Variants in ZSCAN29 observed in about 807,000 individuals in gnomAD.
The protein encoded by ZSCAN29 is zinc finger and SCAN domain containing 29.
Under a neutral mutation model 71.9 loss-of-function variants are expected in ZSCAN29, and 55 were observed. The observed-to-expected ratio is 0.76, with a 90% CI of 0.62 to 0.96. The LOEUF (loss-of-function observed/expected upper bound fraction) is 0.96. Ranked by LOEUF, ZSCAN29 falls within the 40% of genes least tolerant of loss-of-function variation. ZSCAN29 has a pLI of 0.00. For missense variants in ZSCAN29, 1,042 were observed against 1,042.2 expected (o/e 1.00, Z 0.00); for synonymous variants, 351 against 371.6 (o/e 0.94, Z 0.64).
intron 4 of ZSCAN29, among the ~76,000 whole-genome samples, chr15:43,365,844 A>T (rs938209113): frequency 6.6e-6 from 1 of 152,186 alleles, no homozygotes; most frequent in African/African-American, 2.4e-5. Context: ...GGAAAAAAAT[A>T]GTTTAGTAAA....
rs1427785989 is a variant in ZSCAN29, at chr15:43,360,811, A to T, written c.*262T>A. 1 of 430,864 alleles carries T rather than the reference A, an allele frequency of 2.3e-6. No homozygotes were observed. The highest frequency in any genetic ancestry group is 1.9e-5 in the African/African-American group (1 of 51,392). The allele number at this position is 430,864 out of a possible 1,614,324, so 26.7% of individuals were successfully genotyped here. On this transcript the variant is annotated 3_prime_UTR_variant, in exon 6 of 6. Coordinates refer to ENST00000684362, the MANE Select transcript of ZSCAN29 (RefSeq NM_001372080.1). ...TCCTCTGTGCTTATATTAAGGGAAC[A>T]CCATAGGCACTGAGAGGGAAAAGAT... is the stretch of plus-strand genomic sequence containing the variant.
In ZSCAN29 at chr15:43,366,702, G is replaced by A. The variant is rs753510547; in HGVS notation, c.630C>T (p.His210=). 1.9e-6 allele frequency: 3 copies of A among 1,614,196 alleles called. No homozygotes were observed. Among genetic ancestry groups the A allele is most frequent in the Non-Finnish European group, 2.5e-6 (3 of 1,180,014 alleles). ...CAGCATGCACTCGTCTGTCTCCTAT[G>A]TGGCTGCCACTTGGAAGTTCTTTCT... ...SKEKELPSGS[H]IGDRRVHADL... is the part of the protein sequence containing the mutation. The change falls in exon 4 of 6, where the codon CAC becomes CAT. Residue 210 remains histidine (H), a synonymous_variant. Coordinates refer to ENST00000684362, the MANE Select transcript of ZSCAN29 (RefSeq NM_001372080.1).
At chr15:43,364,656 C>T (rs1231122665) in intron 4 of ZSCAN29, among the ~76,000 whole-genome samples, 1 of 151,880 alleles carries the variant, frequency 6.6e-6, no homozygotes, top group East Asian at 1.9e-4. Context: ...GCCTGTAATC[C>T]CTGTGGATCG....
Position 43,363,901 on chromosome 15 carries a change from T to C in ZSCAN29, c.1690+14A>G, listed in dbSNP as rs754901870. The C allele has an allele frequency of 6.4e-7, 1 of 1,564,888 alleles. No individual in the cohort carries two copies. Among genetic ancestry groups the C allele is most frequent in the South Asian group, 1.2e-5 (1 of 84,956 alleles). On this transcript the variant is annotated intron_variant, in intron 5 of 5. Transcript: ENST00000684362. ...CCCTTTGTTATTTATACCATAATAG[T>C]GAAATAATCTTACCACGGGGGCTTT... is the stretch of plus-strand genomic sequence containing the variant.
At position 43,358,186 on chromosome 15, in the gene ZSCAN29, G is replaced by A. The variant is rs1133395; in HGVS notation, c.*2887C>T. The stretch of plus-strand genomic sequence containing the variant: ...GAAACACCAGGCACTTTATAGACAT[G>A]ATTTTTATTAATATGGTATCCCTGA... On this transcript the variant is annotated 3_prime_UTR_variant, in exon 6 of 6. Coordinates refer to ENST00000684362, the MANE Select transcript of ZSCAN29 (RefSeq NM_001372080.1). The A allele has an allele frequency of 0.47, 71,017 of 152,382 alleles. 21,553 individuals carry two copies. Among genetic ancestry groups the A allele is most frequent in the African/African-American group, 0.87 (35,971 of 41,466 alleles). The allele number at this position is 152,382 out of a possible 1,614,324, so 9.4% of individuals were successfully genotyped here.
chr15:43,364,914 A>AAAAAT (rs2044020630), intron 4 of ZSCAN29, among the ~76,000 whole-genome samples: 1 of 151,360 alleles, frequency 6.6e-6, no homozygotes, highest in Non-Finnish European at 1.5e-5. Flanking sequence ...AAAAAAAAAA[A>AAAAAT]AGTGAAAGAA....
chr15:43,363,829 A>G, intron 5 of ZSCAN29, 86 bp downstream of exon 5: 2 of 1,304,246 alleles, frequency 1.5e-6, no homozygotes, highest in East Asian at 2.4e-5. Flanking sequence ...CTGGGTGTAG[A>G]GGCCAGTTCT....
At chr15:43,365,728 A>G (rs2044029411) in intron 4 of ZSCAN29, among the ~76,000 whole-genome samples, 1 of 149,938 alleles carries the variant, frequency 6.7e-6, no homozygotes, top group Non-Finnish European at 1.5e-5. Flanking sequence ...TAAAATATGT[A>G]AAACATCAAG....
chr15:43,364,947 G>A (rs532425799), intron 4 of ZSCAN29, among the ~76,000 whole-genome samples: 2 of 144,462 alleles, frequency 1.4e-5, no homozygotes, highest in Non-Finnish European at 3.0e-5. Context: ...AAATAACATT[G>A]AGCACATGTG....
chr15:43,360,742 A>ACATTCT lies in ZSCAN29; in HGVS notation c.*330_*331insAGAATG, dbSNP rs1434086302. ...CAAAATGCAGCTGAATGACAGAATG[A>ACATTCT]GTAAAGAAGGATGCTTATCAAATTC... On this transcript the variant is annotated 3_prime_UTR_variant, in exon 6 of 6. Coordinates refer to ENST00000684362, the MANE Select transcript of ZSCAN29 (RefSeq NM_001372080.1). 1 of 222,764 alleles carries ACATTCT rather than the reference A, an allele frequency of 4.5e-6. No homozygotes were observed. Among genetic ancestry groups the ACATTCT allele is most frequent in the Non-Finnish European group, 9.0e-6 (1 of 111,674 alleles). 13.8% of individuals were successfully genotyped at this position (222,764 alleles called of 1,614,324 possible). A position where few individuals can be genotyped will look rare whatever the true frequency, so the allele number is the denominator to read the frequency against.
Position 43,366,518 on chromosome 15 carries a change from A to G in ZSCAN29, c.814T>C (p.Cys272Arg). Residue 272 changes from cysteine (C) to arginine (R), a missense_variant, in exon 4 of 6, where the codon TGC (cysteine) becomes CGC (arginine). By Grantham distance (180) the Cys-to-Arg change is radical (BLOSUM62 -3). Coordinates refer to ENST00000684362, the MANE Select transcript of ZSCAN29 (RefSeq NM_001372080.1). The part of the protein sequence containing the change: ...QTEFYEALRN[C>R]HRNSQVYGAV... ...CCATACACTTGGCTGTTCCTATGGC[A>G]GTTTCTGAGAGCCTCATAAAACTCA... The G allele has an allele frequency of 6.2e-7, 1 of 1,614,236 alleles. No individual in the cohort carries two copies. The highest frequency in any genetic ancestry group is 8.5e-7 in the Non-Finnish European group (1 of 1,180,036).
In ZSCAN29 at chr15:43,369,923, A is replaced by C. The variant is rs1400206081; in HGVS notation, c.-10T>G. The C allele has an allele frequency of 2.5e-6, 4 of 1,583,754 alleles. No individual in the cohort carries two copies. Among genetic ancestry groups the C allele is most frequent in the Admixed American group, 1.7e-5 (1 of 58,726 alleles). ...CTGATTTGGCCATCATTAATAGCAGAATGCAGCTTCCCTTCGCTTAGGAGT... is the reference window on the plus strand; with the variant it reads ...CTGATTTGGCCATCATTAATAGCAGCATGCAGCTTCCCTTCGCTTAGGAGT... On this transcript the variant is annotated 5_prime_UTR_variant, in exon 2 of 6. The change creates a new upstream start codon in the 5' untranslated region. Transcript: ENST00000684362.
intron 5 of ZSCAN29, among the ~76,000 whole-genome samples, chr15:43,363,396 G>A (rs1271627045): frequency 6.6e-6 from 1 of 152,158 alleles, no homozygotes; most frequent in Admixed American, 6.5e-5. Flanking sequence ...CCCTTGTGAA[G>A]TATTTTTTTC....
chr15:43,370,052 A>G, intron 1 of ZSCAN29, 27 bp from the exon 2 acceptor site: 1 of 866,178 alleles, frequency 1.2e-6, no homozygotes, highest in South Asian at 1.8e-5. Context: ...TGGCACTATC[A>G]GAAGGAATAC....
At position 43,368,924 on chromosome 15, in the gene ZSCAN29, G is replaced by A. The variant is rs370860287; in HGVS notation, c.522C>T (p.Ser174=). 19 of 1,597,668 alleles carry A rather than the reference G, an allele frequency of 1.2e-5. No homozygotes were observed. The highest frequency in any genetic ancestry group is 4.0e-5 in the African/African-American group (3 of 74,262). The change falls in exon 3 of 6, where the codon AGC becomes AGT. Residue 174 remains serine, a splice_region_variant and synonymous_variant. Transcript: ENST00000684362. ...PKEKLKPFQR[S]GLPFPKSGVV... ...TTCCCATATGAATCTACTCCTCACC[G>A]CTCCTTTGAAAAGGTTTGAGCTTCT...
In ZSCAN29 at chr15:43,369,956, C is replaced by G. The variant is rs370300175; in HGVS notation, c.-43G>C. 1.9e-5 allele frequency: 29 copies of G among 1,537,756 alleles called. No individual in the cohort carries two copies. Among genetic ancestry groups the G allele is most frequent in the Non-Finnish European group, 2.4e-5 (28 of 1,144,630 alleles). ...TTCCCTTCGCTTAGGAGTCTGGGTT[C>G]CAGGGCTTACATCTATCTTCCCATG... On this transcript the variant is annotated 5_prime_UTR_variant, in exon 2 of 6. Transcript: ENST00000684362.
At position 43,366,414 on chromosome 15, in the gene ZSCAN29, C is replaced by G; in HGVS notation, c.918G>C (p.Gln306His). 4 of 1,614,200 alleles carry G rather than the reference C, an allele frequency of 2.5e-6. No individual in the cohort carries two copies. Among genetic ancestry groups the G allele is most frequent in the Non-Finnish European group, 3.4e-6 (4 of 1,180,038 alleles). ...EQCRTKFKGL[Q>H]KSYRKVKSGH... ...CGCTCTTGACTTTCCGATAGCTCTT[C>G]TGGAGACCTTTGAACTTGGTCCGAC... The change falls in exon 4 of 6, where the codon CAG becomes CAC. Residue 306 changes from glutamine (Q) to histidine (H), a missense_variant. By Grantham distance (24) the Gln-to-His change is conservative. Transcript: ENST00000684362.
In ZSCAN29 at chr15:43,366,372, G is replaced by C. The variant is rs2142733086; in HGVS notation, c.960C>G (p.Thr320=). Residue 320 remains threonine, a synonymous_variant, in exon 4 of 6, where the codon ACC becomes ACG. Transcript: ENST00000684362. ...RKVKSGHPPE[T]CPFFEEMEAL... ...CTTCCATCTCTTCAAAGAAGGGGCA[G>C]GTCTCAGGTGGGTGGCCGCTCTTGA... 6.2e-7 allele frequency: 1 copy of C among 1,614,086 alleles called. No individual in the cohort carries two copies. The highest frequency in any genetic ancestry group is 8.5e-7 in the Non-Finnish European group (1 of 1,180,050).
chr15:43,370,468 A>G (rs2044092656), intron 1 of ZSCAN29, 90 bp downstream of exon 1: 1 of 152,422 alleles, frequency 6.6e-6, no homozygotes, highest in South Asian at 2.1e-4. Flanking sequence ...CAACTCCCAA[A>G]GCCCACCCCA....
Sources: gnomAD v4.1 joint callset for allele counts (sites outside exome capture counted in the v4.1 genomes callset) on GRCh38, gnomAD v4.1.1 for gene constraint, MANE v1.5 for transcripts, NCBI Gene and HGNC (gene_info 2026-07-23, HGNC 2026-07-21) for gene names.